Variants in MEOX1 observed in about 807,000 individuals in gnomAD.
The protein encoded by MEOX1 is homeobox protein MOX-1.
In MEOX1, 17 loss-of-function variants were observed where a neutral mutation model predicts 23.2. That is an observed-to-expected ratio of 0.73 (90% CI 0.50 to 1.10). The LOEUF (loss-of-function observed/expected upper bound fraction) is 1.10. Ranked by LOEUF, MEOX1 falls within the 50% of genes least tolerant of loss-of-function variation. MEOX1 has a pLI of 0.00. For missense variants in MEOX1, 333 were observed against 332.2 expected, an observed-to-expected ratio of 1.00 and a Z score of -0.02; for synonymous variants, 134 against 135.1, an observed-to-expected ratio of 0.99 and a Z score of 0.06.
intron 1 of MEOX1, among the ~76,000 whole-genome samples, chr17:43,649,182 A>G (rs1349120347): frequency 6.6e-6 from 1 of 150,934 alleles, no homozygotes; most frequent in Non-Finnish European, 1.5e-5. Context: ...TCTATTGGAG[A>G]TTATATCTGA....
intron 1 of MEOX1, among the ~76,000 whole-genome samples, chr17:43,657,340 A>ATT (rs34747408): frequency 1.6e-5 from 2 of 122,226 alleles, no homozygotes; most frequent in East Asian, 2.3e-4. Context: ...CACCTGGCTA[A>ATT]TTTTTTTTTT....
chr17:43,648,662 T>C (rs1361701790), intron 1 of MEOX1, among the ~76,000 whole-genome samples: 1 of 151,862 alleles, frequency 6.6e-6, no homozygotes, highest in Non-Finnish European at 1.5e-5. Context: ...TCCTGGAACA[T>C]AAGCCTTGAT....
chr17:43,655,025 C>A (rs1045414010), intron 1 of MEOX1, among the ~76,000 whole-genome samples: 2 of 151,512 alleles, frequency 1.3e-5, no homozygotes, highest in Non-Finnish European at 2.9e-5. Flanking sequence ...GCACTCTAGC[C>A]TGGGTGACAG....
At chr17:43,651,756 C>G (rs897011844) in intron 1 of MEOX1, among the ~76,000 whole-genome samples, 1 of 152,184 alleles carries the variant, frequency 6.6e-6, no homozygotes, top group Non-Finnish European at 1.5e-5. Context: ...CCCAAGTGCC[C>G]GTGATTTATT....
At chr17:43,660,950 G>T (rs1011405577) in intron 1 of MEOX1, 116 bp downstream of exon 1, 20 of 610,410 alleles carry the variant, frequency 3.3e-5, no homozygotes, top group Middle Eastern at 2.8e-4. Context: ...CCAGTCTCCT[G>T]CATTTGGATG....
At chr17:43,657,992 T>A (rs1423603784) in intron 1 of MEOX1, among the ~76,000 whole-genome samples, 3 of 152,228 alleles carry the variant, frequency 2.0e-5, no homozygotes, top group African/African-American at 7.2e-5. Flanking sequence ...TACTGCTATA[T>A]GCCCATTTTA....
At chr17:43,644,365 G>A (rs1598259826) in intron 1 of MEOX1, among the ~76,000 whole-genome samples, 3 of 152,226 alleles carry the variant, frequency 2.0e-5, no homozygotes, top group African/African-American at 4.8e-5. Flanking sequence ...GCCCTCTGAA[G>A]CAGGCTGCAT....
rs953668212 is a variant in MEOX1, at chr17:43,640,843, G to C, written c.*1067C>G. 1 of 152,136 alleles carries C rather than the reference G, an allele frequency of 6.6e-6. No individual in the cohort carries two copies. Among genetic ancestry groups the C allele is most frequent in the Admixed American group, 6.5e-5 (1 of 15,270 alleles). The allele number at this position is 152,136 out of a possible 1,614,324, so 9.4% of individuals were successfully genotyped here. A position where few individuals can be genotyped will look rare whatever the true frequency, so the allele number is the denominator to read the frequency against. On this transcript the variant is annotated 3_prime_UTR_variant, in exon 3 of 3. Coordinates refer to ENST00000318579, the MANE Select transcript of MEOX1 (RefSeq NM_004527.4). ...AGCAAGAGCTTAAATCCATCCCATGGAGGAAGAGGGATTTTCTTGTCCCCT... is the reference window on the plus strand; with the variant it reads ...AGCAAGAGCTTAAATCCATCCCATGCAGGAAGAGGGATTTTCTTGTCCCCT...
intron 2 of MEOX1, among the ~76,000 whole-genome samples, chr17:43,642,869 A>G (rs1049022578): frequency 1.3e-5 from 2 of 152,192 alleles, no homozygotes; most frequent in African/African-American, 4.8e-5. Context: ...ATATACTCAA[A>G]TTTGGGAATA....
chr17:43,652,105 C>T (rs1294072302), intron 1 of MEOX1, among the ~76,000 whole-genome samples: 5 of 152,084 alleles, frequency 3.3e-5, no homozygotes, highest in African/African-American at 9.7e-5. Context: ...ATCAGGAGGC[C>T]GGGGATGCCC....
rs1377555834 is a variant in MEOX1 at position 43,654,912 on chromosome 17, C to A, written c.469+6154G>T. ...CTAAAAATACAAAAAATTAGCCAGA[C>A]GTGGTGGTGGGCGCCTGTAGTCCCA... On this transcript the variant is annotated intron_variant, in intron 1 of 2. Transcript: ENST00000318579. Among the ~76,000 whole-genome samples, 3 of 151,362 alleles carry A rather than the reference C, an allele frequency of 2.0e-5. No homozygotes were observed. The East Asian group carries it at 5.9e-4, about 30-fold the overall frequency.
At chr17:43,655,840 A>G (rs1973008213) in intron 1 of MEOX1, among the ~76,000 whole-genome samples, 1 of 152,058 alleles carries the variant, frequency 6.6e-6, no homozygotes, top group Non-Finnish European at 1.5e-5. Flanking sequence ...AAGAATGGTG[A>G]TTGCTAGGGG....
chr17:43,661,419 G>C lies in MEOX1; in HGVS notation c.116C>G (p.Pro39Arg). The change falls in exon 1 of 3, where the codon CCG becomes CGG. Residue 39 changes from proline to arginine, a missense_variant. Pro to Arg is a moderately radical substitution (Grantham distance 103). Coordinates refer to ENST00000318579, the MANE Select transcript of MEOX1 (RefSeq NM_004527.4). Reference protein sequence around the residue: ...GNGASGLPHYPPTPFSFHQKP... With the variant: ...GNGASGLPHYRPTPFSFHQKP... ...CTGGTGGAAGGAGAACGGGGTGGGC[G>C]GGTAGTGGGGTAGCCCTGAGGCCCC... 6.2e-7 allele frequency: 1 copy of C among 1,610,582 alleles called. No homozygotes were observed. The highest frequency in any genetic ancestry group is 8.5e-7 in the Non-Finnish European group (1 of 1,177,542).
At chr17:43,651,486 G>C (rs375059562) in intron 1 of MEOX1, among the ~76,000 whole-genome samples, 34 of 152,248 alleles carry the variant, frequency 2.2e-4, no homozygotes, top group African/African-American at 7.5e-4. Flanking sequence ...AAGGAAGTGT[G>C]GGCTTGAGAC....
Position 43,661,699 on chromosome 17 carries a change from G to T in MEOX1, c.-165C>A. ...AAAAAAAAAAAAACCCAAAACTAAA[G>T]TCTCTCCTTAAAGTACACACACATG... On this transcript the variant is annotated 5_prime_UTR_variant, in exon 1 of 3. Transcript: ENST00000318579. The T allele has an allele frequency of 1.9e-6, 1 of 527,056 alleles. No individual in the cohort carries two copies. The highest frequency in any genetic ancestry group is 3.1e-5 in the South Asian group (1 of 32,528). 32.6% of individuals were successfully genotyped at this position (527,056 alleles called of 1,614,324 possible). A position where few individuals can be genotyped will look rare whatever the true frequency, so the allele number is the denominator to read the frequency against.
chr17:43,649,290 C>CTTTTTTTTTTTTT (rs10694288), intron 1 of MEOX1, among the ~76,000 whole-genome samples: 2 of 86,206 alleles, frequency 2.3e-5, no homozygotes, highest in Non-Finnish European at 2.1e-5. Context: ...GGCCTTTCAG[C>CTTTTTTTTTTTTT]TTTTTTTTTT....
intron 1 of MEOX1, among the ~76,000 whole-genome samples, chr17:43,655,476 A>G (rs539867442): frequency 8.6e-5 from 13 of 151,972 alleles, no homozygotes; most frequent in Admixed American, 8.5e-4. Context: ...TCTCAAAAAA[A>G]AAAAAAAGAA....
Position 43,641,850 on chromosome 17 carries a change from G to C in MEOX1, c.*60C>G. 1 of 1,536,096 alleles carries C rather than the reference G, an allele frequency of 6.5e-7. No individual in the cohort carries two copies. ...GAAGGAAGAGGGTGAAGGTGGGATT[G>C]GGGTGGGGGTAGTTGGGTAGGGGGC... On this transcript the variant is annotated 3_prime_UTR_variant, in exon 3 of 3. Coordinates refer to ENST00000318579, the MANE Select transcript of MEOX1 (RefSeq NM_004527.4).
intron 1 of MEOX1, among the ~76,000 whole-genome samples, chr17:43,660,684 C>T (rs552515963): frequency 6.6e-6 from 1 of 152,276 alleles, no homozygotes; most frequent in Non-Finnish European, 1.5e-5. Flanking sequence ...GGCTCTAGGA[C>T]CACTTGGGGC....
Sources: allele counts gnomAD v4.1 joint callset (sites outside exome capture counted in the v4.1 genomes callset), GRCh38; gene constraint gnomAD v4.1.1; transcripts MANE v1.5; gene names NCBI Gene and HGNC (gene_info 2026-07-23, HGNC 2026-07-21).